CLASP1: variants seen among roughly 807,000 people sequenced by gnomAD.
CLASP1 encodes CLIP-associating protein 1.
Under a neutral mutation model 192.3 loss-of-function variants are expected in CLASP1, and 38 were observed. That is an observed-to-expected ratio of 0.20 (90% confidence interval 0.15 to 0.26). The LOEUF (loss-of-function observed/expected upper bound fraction) is 0.26. Ranked by LOEUF, CLASP1 falls within the 10% of genes least tolerant of loss-of-function variation. CLASP1 has a pLI of 1.00. For missense variants in CLASP1, 1,433 were observed against 1,932.5 expected, an observed-to-expected ratio of 0.74 and a Z score of 4.85; for synonymous variants, 691 against 712.8, an observed-to-expected ratio of 0.97 and a Z score of 0.49.
At chr2:121,353,760 A>G (rs557726665) in intron 37 of CLASP1, among the ~76,000 whole-genome samples, 7 of 151,840 alleles carry the variant, frequency 4.6e-5, no homozygotes, top group African/African-American at 1.5e-4. Flanking sequence ...CTGTTGAACT[A>G]ATTTCCCCAT....
At chr2:121,426,316 T>C (rs1297624565) in intron 21 of CLASP1, among the ~76,000 whole-genome samples, 1 of 152,186 alleles carries the variant, frequency 6.6e-6, no homozygotes, top group African/African-American at 2.4e-5. Flanking sequence ...GAAAGAATAA[T>C]TGTCCATGAA....
intron 32 of CLASP1, among the ~76,000 whole-genome samples, chr2:121,384,515 G>T (rs1167193098): frequency 1.3e-5 from 2 of 151,886 alleles, no homozygotes; most frequent in Non-Finnish European, 2.9e-5. Context: ...ACAATTATCA[G>T]ATTTATCATT....
At chr2:121,458,962 C>T (rs780309721) in exon 13 of CLASP1, 22 of 1,606,982 alleles carry the variant, frequency 1.4e-5, no homozygotes, top group Non-Finnish European at 1.8e-5. Context: ...TTCCCCAGAA[C>T]TGATGACAGA....
At position 121,531,117 on chromosome 2, in the gene CLASP1, G is replaced by A. The variant is rs530177951; in HGVS notation, c.196-792C>T. 121 of 634,640 alleles carry A rather than the reference G, an allele frequency of 1.9e-4. No homozygotes were observed. The Middle Eastern group carries it at 2.1e-3, about 11-fold the overall frequency. 39.3% of individuals were successfully genotyped at this position (634,640 alleles called of 1,614,324 possible). On this transcript the variant is annotated intron_variant, in intron 2 of 39. Coordinates refer to ENST00000263710, the Ensembl canonical transcript of CLASP1. ...GGTGCACAAGACGCGTGGTTTTAGT[G>A]TCGCAAGTAAAGTTCTTTCAGTTTT...
chr2:121,547,802 C>A (rs1047463829), intron 2 of CLASP1, among the ~76,000 whole-genome samples: 6 of 152,112 alleles, frequency 3.9e-5, no homozygotes, highest in African/African-American at 1.2e-4. Flanking sequence ...GATCACAACC[C>A]AAAGCTTCAA....
At chr2:121,453,209 T>C (rs1190524883) in intron 14 of CLASP1, among the ~76,000 whole-genome samples, 2 of 152,188 alleles carry the variant, frequency 1.3e-5, no homozygotes, top group Non-Finnish European at 2.9e-5. Context: ...GTGGGTGGAT[T>C]GCTTGGGCCC....
At chr2:121,530,279 A>G in exon 3 of CLASP1, 1 of 1,552,502 alleles carries the variant, frequency 6.4e-7, no homozygotes, top group Non-Finnish European at 8.7e-7. Context: ...CCGATCCTGC[A>G]GCCGGGTCAC....
intron 1 of CLASP1, among the ~76,000 whole-genome samples, chr2:121,648,633 C>T (rs1194682595): frequency 6.6e-6 from 1 of 152,196 alleles, no homozygotes; most frequent in Non-Finnish European, 1.5e-5. Flanking sequence ...CTCCATTGTA[C>T]CTAGCCAGGC....
intron 15 of CLASP1, 49 bp downstream of exon 15, chr2:121,451,741 T>C: frequency 6.8e-7 from 1 of 1,466,058 alleles, no homozygotes; most frequent in South Asian, 1.2e-5. Context: ...AAGCATTCAC[T>C]CTAAAGGCTC....
intron 25 of CLASP1, among the ~76,000 whole-genome samples, chr2:121,405,452 ACAAAG>A (rs1166084204): frequency 6.6e-6 from 1 of 152,240 alleles, no homozygotes; most frequent in Admixed American, 6.5e-5. Context: ...CGTACCTAGG[ACAAAG>A]CAAACACTCA....
rs1040640976 is a variant in CLASP1 at position 121,451,131 on chromosome 2, G to A, written c.1446-141C>T. ...AAGGCTGGTCAGTTCCCACGTGGCT[G>A]GGCAAAGCACGGCACTCCTACCTAC... On this transcript the variant is annotated intron_variant, in intron 15 of 39. Transcript: ENST00000263710. 7 of 625,964 alleles carry A rather than the reference G, an allele frequency of 1.1e-5. No homozygotes were observed. In the African/African-American group the frequency reaches 1.3e-4, roughly 12 times the overall value. The allele number at this position is 625,964 out of a possible 1,614,324, so 38.8% of individuals were successfully genotyped here.
chr2:121,427,333 A>C, intron 21 of CLASP1, 71 bp downstream of exon 21: 4 of 1,540,078 alleles, frequency 2.6e-6, no homozygotes, highest in Non-Finnish European at 3.6e-6. Flanking sequence ...AATATTGTGC[A>C]AGGAACATGG....
At chr2:121,531,084 C>A (rs537888709) in intron 2 of CLASP1, 9 of 671,348 alleles carry the variant, frequency 1.3e-5, no homozygotes, top group East Asian at 2.8e-5. Flanking sequence ...GTGGTTAAAC[C>A]AGTAGAGGGT....
intron 1 of CLASP1, among the ~76,000 whole-genome samples, chr2:121,640,014 T>C (rs1007947041): frequency 6.6e-6 from 1 of 152,010 alleles, no homozygotes; most frequent in African/African-American, 2.4e-5. Context: ...ATGTGGCACA[T>C]ATATACCATG....
chr2:121,623,272 T>C (rs1206047766), intron 1 of CLASP1, among the ~76,000 whole-genome samples: 1 of 152,176 alleles, frequency 6.6e-6, no homozygotes, highest in Non-Finnish European at 1.5e-5. Flanking sequence ...ATCAAATGTT[T>C]TTCCTGCCAC....
intron 26 of CLASP1, among the ~76,000 whole-genome samples, chr2:121,404,095 AC>A (rs1379690333): frequency 6.6e-6 from 1 of 152,248 alleles, no homozygotes; most frequent in Admixed American, 6.5e-5. Flanking sequence ...GAGGAGACAT[AC>A]AAAAATATTT....
At chr2:121,346,854 T>C (rs1247531595) in intron 39 of CLASP1, among the ~76,000 whole-genome samples, 184 bp downstream of exon 40, 1 of 152,250 alleles carries the variant, frequency 6.6e-6, no homozygotes, top group Non-Finnish European at 1.5e-5. Flanking sequence ...ATGTCAGTCT[T>C]ACCTTAAACT....
chr2:121,432,766 T>G (rs2081648812), intron 19 of CLASP1, among the ~76,000 whole-genome samples: 2 of 152,176 alleles, frequency 1.3e-5, no homozygotes, highest in South Asian at 4.1e-4. Flanking sequence ...AAGAATGGAA[T>G]CATTATATTT....
chr2:121,401,677 A>C lies in CLASP1; in HGVS notation c.2737-5T>G, dbSNP rs772843882. On this transcript the variant is annotated splice_polypyrimidine_tract_variant and splice_region_variant and intron_variant, in intron 27 of 39. Transcript: ENST00000263710. ...CTCCAAAAACATACTGAAAACCTAG[A>C]CACAAATGAAAACCAAGTAGTTCAC... The C allele has an allele frequency of 6.2e-7, 1 of 1,606,374 alleles. No individual in the cohort carries two copies. Among genetic ancestry groups the C allele is most frequent in the Admixed American group, 1.7e-5 (1 of 58,984 alleles).
Sources: gnomAD v4.1 joint callset for allele counts (sites outside exome capture counted in the v4.1 genomes callset) on GRCh38, gnomAD v4.1.1 for gene constraint, MANE v1.5 for transcripts, NCBI Gene and HGNC (gene_info 2026-07-23, HGNC 2026-07-21) for gene names.